Variants in AP3B1 observed in about 807,000 individuals in gnomAD.
AP3B1 encodes the protein adaptor related protein complex 3 subunit beta 1, also known as AP-3 complex subunit beta-1.
A neutral mutation model predicts 132.5 loss-of-function variants in AP3B1; 61 were observed. That is an observed-to-expected ratio of 0.46 (90% CI 0.37 to 0.57). AP3B1 has a LOEUF of 0.57. AP3B1 is among the 20% of genes least tolerant of loss of function. AP3B1 has a pLI of 0.00. For synonymous variants in AP3B1, 388 were observed against 438.3 expected (o/e 0.89, Z 1.43); for missense variants, 1,120 against 1,289.4 (o/e 0.87, Z 2.01).
chr5:78,034,391 T>A lies in AP3B1; in HGVS notation c.2864A>T (p.Asp955Val). ...CTGGAAACTGGCAGTCTGAGTAGAA[T>A]CACAAAAGTCAATACCCATTGAAAC... Reference protein sequence around the residue: ...ITVSMGIDFCDSTQTASFQLC... With the variant: ...ITVSMGIDFCVSTQTASFQLC... The change falls in exon 24 of 27, where the codon GAT (aspartate) becomes GTT (valine). Residue 955 changes from aspartate (D) to valine (V), a missense_variant. Asp to Val is a radical substitution (Grantham distance 152). Around this residue, in one of 3 missense-constraint regions of AP3B1, gnomAD observed 906 missense variants for 997.1 expected, o/e 0.91. Transcript: ENST00000255194. 1 of 1,612,368 alleles carries A rather than the reference T, an allele frequency of 6.2e-7. No homozygotes were observed. Among genetic ancestry groups the A allele is most frequent in the Non-Finnish European group, 8.5e-7 (1 of 1,178,658 alleles).
chr5:78,161,669 G>A (rs1434730475), intron 13 of AP3B1, among the ~76,000 whole-genome samples: 3 of 151,868 alleles, frequency 2.0e-5, no homozygotes, highest in Non-Finnish European at 4.4e-5. Context: ...TAAACCTATC[G>A]TCTTGATAAT....
chr5:78,181,471 A>T (rs1399886900), intron 8 of AP3B1, 36 bp downstream of exon 8: 1 of 1,598,170 alleles, frequency 6.3e-7, no homozygotes, highest in African/African-American at 1.3e-5. Context: ...TTTTTTAAAA[A>T]CCAGTGAATT....
chr5:78,082,339 C>T (rs1285258638), intron 22 of AP3B1, among the ~76,000 whole-genome samples: 2 of 152,112 alleles, frequency 1.3e-5, no homozygotes, highest in East Asian at 1.9e-4. Context: ...CCACTTGTTC[C>T]ACGGCCATTG....
intron 1 of AP3B1, among the ~76,000 whole-genome samples, chr5:78,272,321 C>T (rs1748580744): frequency 6.6e-6 from 1 of 152,308 alleles, no homozygotes; most frequent in South Asian, 2.1e-4. Context: ...ACCCAACCAC[C>T]TTGGGCACAG....
chr5:78,202,752 A>C (rs1379052298), intron 7 of AP3B1, among the ~76,000 whole-genome samples: 1 of 152,204 alleles, frequency 6.6e-6, no homozygotes, highest in Non-Finnish European at 1.5e-5. Flanking sequence ...GTGTGTTACT[A>C]ACATACATGC....
intron 1 of AP3B1, among the ~76,000 whole-genome samples, chr5:78,291,451 C>G (rs1262711197): frequency 7.7e-6 from 1 of 129,394 alleles, no homozygotes; most frequent in Non-Finnish European, 1.7e-5. Context: ...AGAAATGACA[C>G]CACAGAGAAA....
chr5:78,069,525 C>T (rs1016857109), intron 22 of AP3B1, among the ~76,000 whole-genome samples: 1 of 152,142 alleles, frequency 6.6e-6, no homozygotes. Flanking sequence ...AGTAAAATAC[C>T]TATGAATATA....
At chr5:78,070,664 G>A (rs906221104) in intron 22 of AP3B1, among the ~76,000 whole-genome samples, 1 of 150,164 alleles carries the variant, frequency 6.7e-6, no homozygotes, top group African/African-American at 2.5e-5. Flanking sequence ...CTATCCATTT[G>A]ACAAAGGTCT....
chr5:78,219,742 T>C (rs887551329), intron 6 of AP3B1, among the ~76,000 whole-genome samples: 2 of 152,134 alleles, frequency 1.3e-5, no homozygotes, highest in Admixed American at 6.6e-5. Context: ...ATGAGAATTA[T>C]GGAACTAATT....
At chr5:78,090,041 G>A (rs1405961548) in intron 21 of AP3B1, among the ~76,000 whole-genome samples, 2 of 152,098 alleles carry the variant, frequency 1.3e-5, no homozygotes, top group Non-Finnish European at 2.9e-5. Flanking sequence ...ACTGATACCT[G>A]TAAGTTTGGA....
In AP3B1 at chr5:78,283,204, T is replaced by C. The variant is rs530003461; in HGVS notation, c.128+11248A>G. Reference sequence around the variant, plus strand: ...ACATAAGAAAACCAAGGGCAGAGAGTTGTAAAATAATCTGTCCAAGTACCA... The same window carrying C: ...ACATAAGAAAACCAAGGGCAGAGAGCTGTAAAATAATCTGTCCAAGTACCA... On this transcript the variant is annotated intron_variant, in intron 1 of 26. Transcript: ENST00000255194. Among the ~76,000 whole-genome samples, 6 of 152,026 alleles carry C rather than the reference T, an allele frequency of 3.9e-5. No homozygotes were observed. The South Asian group carries it at 6.2e-4, about 16-fold the overall frequency.
intron 21 of AP3B1, 45 bp from the exon 22 acceptor site, chr5:78,089,544 T>G (rs1159537978): frequency 3.2e-6 from 4 of 1,245,030 alleles, no homozygotes; most frequent in Admixed American, 3.4e-5. Context: ...GAACGTTTAA[T>G]TCAAATTATT....
At chr5:78,218,148 T>C (rs1269781865) in intron 6 of AP3B1, among the ~76,000 whole-genome samples, 2 of 152,114 alleles carry the variant, frequency 1.3e-5, no homozygotes, top group African/African-American at 4.8e-5. Flanking sequence ...AGATACTTAA[T>C]CATATAGTTT....
intron 18 of AP3B1, 76 bp from the exon 19 acceptor site, chr5:78,113,999 T>G (rs1751714429): frequency 3.3e-6 from 5 of 1,498,354 alleles, no homozygotes; most frequent in Non-Finnish European, 4.6e-6. Flanking sequence ...CTGTCAATAT[T>G]CATCACAAAT....
intron 1 of AP3B1, among the ~76,000 whole-genome samples, chr5:78,285,888 G>A (rs993759258): frequency 6.6e-6 from 1 of 151,972 alleles, no homozygotes; most frequent in Non-Finnish European, 1.5e-5. Flanking sequence ...ACCTTCTCTT[G>A]CCTGAATTAC....
chr5:78,216,664 CAA>C (rs1745975815), intron 6 of AP3B1, among the ~76,000 whole-genome samples: 1 of 152,032 alleles, frequency 6.6e-6, no homozygotes, highest in Non-Finnish European at 1.5e-5. Context: ...ATGAGAACGA[CAA>C]TCATTCTAAA....
intron 15 of AP3B1, 49 bp downstream of exon 15, chr5:78,141,094 T>C (rs531105594): frequency 1.3e-6 from 2 of 1,553,254 alleles, no homozygotes; most frequent in South Asian, 2.2e-5. Context: ...TTGATCAGAG[T>C]GAAGAGGAAA....
At chr5:78,008,396 T>G (rs1452792355) in intron 26 of AP3B1, among the ~76,000 whole-genome samples, 8 of 152,200 alleles carry the variant, frequency 5.3e-5, no homozygotes, top group African/African-American at 1.9e-4. Flanking sequence ...AAATAGAGAA[T>G]GTTTTAAAGT....
intron 25 of AP3B1, among the ~76,000 whole-genome samples, chr5:78,017,354 T>C (rs1317659367): frequency 6.6e-6 from 1 of 152,088 alleles, no homozygotes; most frequent in Admixed American, 6.5e-5. Flanking sequence ...AGGCAATTTG[T>C]ACCACTCAGC....
Sources: allele counts gnomAD v4.1 joint callset (sites outside exome capture counted in the v4.1 genomes callset), GRCh38; gene constraint gnomAD v4.1.1; regional missense constraint gnomAD v4.1.1; transcripts MANE v1.5; gene names NCBI Gene and HGNC (gene_info 2026-07-23, HGNC 2026-07-21).